SEM1: variants seen among roughly 807,000 people sequenced by gnomAD.
SEM1 encodes 26S proteasome complex subunit SEM1.
SEM1 carries 3 observed loss-of-function variants against 12.7 expected under a neutral mutation model. That is an observed-to-expected ratio of 0.24 (90% CI 0.11 to 0.61). SEM1 has a LOEUF of 0.61. Among genes scored for constraint, SEM1 ranks in the 20% least tolerant of loss-of-function variants. SEM1 has a pLI of 0.88. For missense variants in SEM1, 59 were observed against 81.3 expected, an observed-to-expected ratio of 0.73 and a Z score of 1.06; for synonymous variants, 30 against 27.8, an observed-to-expected ratio of 1.08 and a Z score of -0.25.
intron 2 of SEM1, among the ~76,000 whole-genome samples, chr7:96,592,420 A>G (rs1445360006): frequency 1.3e-5 from 2 of 152,028 alleles, no homozygotes; most frequent in Non-Finnish European, 2.9e-5. Flanking sequence ...ATTCACATCT[A>G]TTAGGCTAAA....
intron 2 of SEM1, among the ~76,000 whole-genome samples, chr7:96,658,488 ATTTG>A (rs752407263): frequency 6.6e-6 from 1 of 151,122 alleles, no homozygotes; most frequent in Non-Finnish European, 1.5e-5. Context: ...TGACCAATTA[ATTTG>A]TTTTTCTATA....
At chr7:96,484,002 T>A in intron 3 of SEM1, 3 of 1,447,544 alleles carry the variant, frequency 2.1e-6, no homozygotes, top group Non-Finnish European at 2.8e-6. Flanking sequence ...TGAAGAAGAA[T>A]GATAAATGCT....
chr7:96,658,940 G>A lies in SEM1; in HGVS notation c.170+35858C>T, dbSNP rs77833366. Among the ~76,000 whole-genome samples the A allele has an allele frequency of 4.1e-3, 620 of 151,930 alleles. 5 individuals are homozygous for A. Among genetic ancestry groups the A allele is most frequent in the African/African-American group, 0.014 (594 of 41,424 alleles). On this transcript the variant is annotated intron_variant, in intron 2 of 2. Transcript: ENST00000417009. ...ACCAAATGTTCCCATCCTTGAAGGG[G>A]GCACCTTTTTTTCTAATGCACAAAG... is the stretch of plus-strand genomic sequence containing the variant.
chr7:96,592,932 C>A (rs1038709694), intron 2 of SEM1, among the ~76,000 whole-genome samples: 2 of 149,452 alleles, frequency 1.3e-5, no homozygotes, highest in Non-Finnish European at 3.0e-5. Flanking sequence ...GTCTGTTTTC[C>A]ACATATTACC....
At chr7:96,601,383 G>A (rs528091859) in intron 2 of SEM1, among the ~76,000 whole-genome samples, 1 of 152,262 alleles carries the variant, frequency 6.6e-6, no homozygotes, top group East Asian at 1.9e-4. Context: ...GGATGGGGTG[G>A]GCTATGGGAT....
At chr7:96,584,198 A>G (rs1354537721) in intron 2 of SEM1, among the ~76,000 whole-genome samples, 2 of 152,048 alleles carry the variant, frequency 1.3e-5, no homozygotes, top group African/African-American at 4.8e-5. Flanking sequence ...GCTTGTCTGT[A>G]AAGTATTTTA....
At chr7:96,589,376 G>A (rs1053222631) in intron 2 of SEM1, among the ~76,000 whole-genome samples, 6 of 152,098 alleles carry the variant, frequency 3.9e-5, no homozygotes, top group South Asian at 2.1e-4. Context: ...TGTGCTCTTC[G>A]GTCACTGTAT....
chr7:96,490,066 C>T (rs1802943427), intron 1 of SEM1, among the ~76,000 whole-genome samples: 1 of 152,028 alleles, frequency 6.6e-6, no homozygotes, highest in South Asian at 2.1e-4. Flanking sequence ...CCCTGAGGGT[C>T]AGATCCATGT....
At chr7:96,511,995 T>G (rs1803948485) in intron 2 of SEM1, among the ~76,000 whole-genome samples, 1 of 152,148 alleles carries the variant, frequency 6.6e-6, no homozygotes, top group African/African-American at 2.4e-5. Flanking sequence ...TGAAAAGCTT[T>G]GAGGTGCTGC....
intron 2 of SEM1, among the ~76,000 whole-genome samples, chr7:96,538,695 G>T (rs1804861554): frequency 6.6e-6 from 1 of 151,720 alleles, no homozygotes; most frequent in South Asian, 2.1e-4. Flanking sequence ...CATTGTTTAG[G>T]CATGTGTCTC....
At chr7:96,500,895 C>T (rs1803511014), upstream of SEM1, among the ~76,000 whole-genome samples, 1 of 152,130 alleles carries the variant, frequency 6.6e-6, no homozygotes, top group Non-Finnish European at 1.5e-5. Flanking sequence ...CTAGCTCTTA[C>T]CAACTTTCCT....
intron 1 of SEM1, among the ~76,000 whole-genome samples, chr7:96,706,826 TCAA>T (rs923965799): frequency 6.6e-6 from 1 of 152,156 alleles, no homozygotes; most frequent in Non-Finnish European, 1.5e-5. Flanking sequence ...GCACTGACAC[TCAA>T]CAAAGCGTTT....
At chr7:96,487,185 G>A (rs1056131590) in intron 1 of SEM1, among the ~76,000 whole-genome samples, 2 of 147,790 alleles carry the variant, frequency 1.4e-5, no homozygotes, top group Non-Finnish European at 2.9e-5. Context: ...GTATCACACA[G>A]TAATCAATTA....
chr7:96,680,493 A>T (rs1306633530), intron 2 of SEM1, among the ~76,000 whole-genome samples: 1 of 152,118 alleles, frequency 6.6e-6, no homozygotes, highest in Non-Finnish European at 1.5e-5. Flanking sequence ...CCAGGCAAAG[A>T]TGATAATCTA....
At chr7:96,540,261 G>A (rs1323439592) in intron 2 of SEM1, among the ~76,000 whole-genome samples, 1 of 151,562 alleles carries the variant, frequency 6.6e-6, no homozygotes, top group Non-Finnish European at 1.5e-5. Context: ...TGAGTGTTGA[G>A]AAAATTGGAT....
intron 2 of SEM1, among the ~76,000 whole-genome samples, chr7:96,596,727 TTAAG>T (rs1279989828): frequency 2.6e-5 from 4 of 152,180 alleles, no homozygotes; most frequent in African/African-American, 2.4e-5. Flanking sequence ...TGGTTTTAGA[TTAAG>T]TTTCACTGGA....
chr7:96,658,098 A>T (rs905915979), intron 2 of SEM1, among the ~76,000 whole-genome samples: 1 of 152,014 alleles, frequency 6.6e-6, no homozygotes, highest in Non-Finnish European at 1.5e-5. Context: ...CAATTATGAC[A>T]CTCAATTAGG....
intron 1 of SEM1, among the ~76,000 whole-genome samples, chr7:96,701,076 C>T (rs1282668280): frequency 4.6e-5 from 7 of 152,004 alleles, no homozygotes; most frequent in African/African-American, 1.7e-4. Context: ...ATGTCAGACA[C>T]AGCTCAAATT....
At chr7:96,595,183 C>T (rs995201730) in intron 2 of SEM1, among the ~76,000 whole-genome samples, 1 of 151,896 alleles carries the variant, frequency 6.6e-6, no homozygotes, top group Admixed American at 6.6e-5. Flanking sequence ...ATCAATGATG[C>T]TAAATAAAGT....
Sources: allele counts gnomAD v4.1 joint callset (sites outside exome capture counted in the v4.1 genomes callset), GRCh38; gene constraint gnomAD v4.1.1; transcripts MANE v1.5; gene names NCBI Gene and HGNC (gene_info 2026-07-23, HGNC 2026-07-21).